FANCC: variants seen among roughly 807,000 people sequenced by gnomAD.
FANCC encodes Fanconi anemia group C protein.
In FANCC, 55 loss-of-function variants were observed where a neutral mutation model predicts 71.3. The ratio of observed to expected loss-of-function variants is 0.77; its 90% CI spans 0.62 to 0.97. FANCC has a LOEUF of 0.97. Ranked by LOEUF, FANCC falls within the 50% of genes least tolerant of loss-of-function variation. FANCC has a pLI of 0.00. For synonymous variants in FANCC, 275 were observed against 244.9 expected, an observed-to-expected ratio of 1.12 and a Z score of -1.15; for missense variants, 678 against 670.9, an observed-to-expected ratio of 1.01 and a Z score of -0.12.
chr9:95,238,905 A>G (rs1278327506), intron 4 of FANCC, among the ~76,000 whole-genome samples: 1 of 152,156 alleles, frequency 6.6e-6, no homozygotes, highest in African/African-American at 2.4e-5. Flanking sequence ...ACTGTCATCA[A>G]GATAAAAACC....
chr9:95,263,629 T>A (rs544647801), intron 1 of FANCC, among the ~76,000 whole-genome samples: 1 of 152,176 alleles, frequency 6.6e-6, no homozygotes, highest in Non-Finnish European at 1.5e-5. Context: ...TTCCATTAGC[T>A]GTCAGAGAGA....
At chr9:95,131,925 T>C (rs1017455284) in intron 8 of FANCC, among the ~76,000 whole-genome samples, 5 of 152,318 alleles carry the variant, frequency 3.3e-5, no homozygotes, top group African/African-American at 7.2e-5. Flanking sequence ...CTATCCCATA[T>C]TGAGGAGGAT....
intron 4 of FANCC, among the ~76,000 whole-genome samples, chr9:95,184,720 A>C (rs775561772): frequency 6.6e-6 from 1 of 152,224 alleles, no homozygotes; most frequent in Non-Finnish European, 1.5e-5. Flanking sequence ...GGGGCCAAGA[A>C]CAGCACATGC....
At chr9:95,307,812 G>A (rs1193858003) in intron 1 of FANCC, among the ~76,000 whole-genome samples, 1 of 152,176 alleles carries the variant, frequency 6.6e-6, no homozygotes, top group African/African-American at 2.4e-5. Context: ...CAGACTTGCT[G>A]TTGCCCAACT....
At chr9:95,190,717 G>A (rs1827036377) in intron 4 of FANCC, among the ~76,000 whole-genome samples, 3 of 152,168 alleles carry the variant, frequency 2.0e-5, no homozygotes, top group Non-Finnish European at 4.4e-5. Context: ...GGTGGCCCTG[G>A]TTTCTGCTGC....
intron 4 of FANCC, among the ~76,000 whole-genome samples, chr9:95,182,848 G>A (rs1018786064): frequency 1.1e-4 from 17 of 152,118 alleles, no homozygotes; most frequent in African/African-American, 4.1e-4. Flanking sequence ...AGAGGCAAGG[G>A]GAAGACAGAA....
intron 4 of FANCC, among the ~76,000 whole-genome samples, chr9:95,192,182 T>G (rs556667369): frequency 1.3e-5 from 2 of 152,328 alleles, no homozygotes; most frequent in African/African-American, 4.8e-5. Flanking sequence ...GCTGGACAAC[T>G]ACATCTGCTG....
chr9:95,133,871 G>A (rs1322682968), intron 8 of FANCC, among the ~76,000 whole-genome samples: 1 of 152,186 alleles, frequency 6.6e-6, no homozygotes, highest in East Asian at 1.9e-4. Flanking sequence ...CTGTCAGAGG[G>A]CTTCTGAAAG....
At chr9:95,121,067 CTT>C (rs2072840783) in intron 10 of FANCC, among the ~76,000 whole-genome samples, 1 of 152,214 alleles carries the variant, frequency 6.6e-6, no homozygotes, top group Admixed American at 6.5e-5. Flanking sequence ...TTTCTGTCCA[CTT>C]TTTCAGGTGC....
chr9:95,136,491 T>TA (rs562705124), intron 7 of FANCC, among the ~76,000 whole-genome samples: 191 of 144,296 alleles, frequency 1.3e-3, no homozygotes, highest in Middle Eastern at 7.2e-3. Context: ...AAGATTCCTT[T>TA]AAAAAAAAAA....
chr9:95,168,477 G>A (rs1345716993), intron 6 of FANCC, among the ~76,000 whole-genome samples: 2 of 152,192 alleles, frequency 1.3e-5, no homozygotes, highest in African/African-American at 4.8e-5. Flanking sequence ...ATGGTCACCC[G>A]TGGTCCAAAA....
intron 1 of FANCC, among the ~76,000 whole-genome samples, chr9:95,282,371 T>G (rs901883956): frequency 2.6e-5 from 4 of 152,148 alleles, no homozygotes. Context: ...ATGTTACATA[T>G]TTAGGTGCTC....
At chr9:95,203,019 G>T (rs547708320) in intron 4 of FANCC, among the ~76,000 whole-genome samples, 1 of 152,112 alleles carries the variant, frequency 6.6e-6, no homozygotes, top group Non-Finnish European at 1.5e-5. Context: ...AAGTAAAAGG[G>T]ATCATAACTC....
At chr9:95,312,777 T>C (rs945607936) in intron 1 of FANCC, among the ~76,000 whole-genome samples, 8 of 152,090 alleles carry the variant, frequency 5.3e-5, no homozygotes, top group African/African-American at 1.7e-4. Flanking sequence ...AGGGCTGAGG[T>C]GGGTGCCCTA....
At position 95,117,318 on chromosome 9, in the gene FANCC, G is replaced by A. The variant is rs759900071; in HGVS notation, c.1069C>T (p.Gln357Ter). The change falls in exon 11 of 15, where the codon CAA (glutamine) becomes TAA (stop). Residue 357 changes from glutamine to a stop codon, truncating the protein, a stop_gained. Transcript: ENST00000289081. LOFTEE classifies it high-confidence loss of function. ...GGCAAAGTCAACCCTAACTCACCTT[G>A]AGGGTCTTGCAGCAGCACCATGGCA... Reference protein sequence around the residue: ...SLAMVLLQDPQDIPRGHWLQT... With the variant: ...SLAMVLLQDP 5.0e-6 allele frequency: 8 copies of A among 1,613,932 alleles called. No homozygotes were observed. Among genetic ancestry groups the A allele is most frequent in the Non-Finnish European group, 6.8e-6 (8 of 1,179,900 alleles).
chr9:95,238,668 C>T (rs547184802), intron 4 of FANCC, among the ~76,000 whole-genome samples: 156 of 152,054 alleles, frequency 1.0e-3, no homozygotes, highest in African/African-American at 3.4e-3. Context: ...CAGGTTCAAG[C>T]GATTCTCCTG....
chr9:95,280,327 C>T (rs1413174037), intron 1 of FANCC, among the ~76,000 whole-genome samples: 1 of 152,058 alleles, frequency 6.6e-6, no homozygotes, highest in Non-Finnish European at 1.5e-5. Flanking sequence ...ATATTAATCG[C>T]TGGAGACTTC....
At chr9:95,241,595 C>A (rs1014349029) in intron 3 of FANCC, among the ~76,000 whole-genome samples, 1 of 152,180 alleles carries the variant, frequency 6.6e-6, no homozygotes, top group Non-Finnish European at 1.5e-5. Context: ...GGAGGTGAGG[C>A]TAAGACAGCC....
At chr9:95,263,950 C>G (rs1012107844) in intron 1 of FANCC, among the ~76,000 whole-genome samples, 3 of 152,126 alleles carry the variant, frequency 2.0e-5, no homozygotes, top group East Asian at 1.9e-4. Context: ...AATGAGTTCA[C>G]TTTTTTCCAT....
Sources: allele counts gnomAD v4.1 joint callset (sites outside exome capture counted in the v4.1 genomes callset), GRCh38; gene constraint gnomAD v4.1.1; transcripts MANE v1.5; gene names NCBI Gene and HGNC (gene_info 2026-07-23, HGNC 2026-07-21).